Variants in SPTB observed in about 807,000 individuals in gnomAD.
The protein encoded by SPTB is spectrin beta, erythrocytic, also known as spectrin beta chain, erythrocytic.
Under a neutral mutation model 256.2 loss-of-function variants are expected in SPTB, and 45 were observed. That is an observed-to-expected ratio of 0.18 (90% CI 0.14 to 0.23). The LOEUF is 0.23. Among genes scored for constraint, SPTB ranks in the 10% least tolerant of loss-of-function variants. The pLI, the probability that SPTB is intolerant of heterozygous loss-of-function variation, is 1.00. For missense variants in SPTB, 2,715 were observed against 3,040.4 expected (o/e 0.89, Z 2.52); for synonymous variants, 1,231 against 1,243.1 (o/e 0.99, Z 0.21).
intron 1 of SPTB, among the ~76,000 whole-genome samples, chr14:64,855,602 A>G (rs1396567686): frequency 5.0e-5 from 2 of 40,128 alleles, no homozygotes; most frequent in African/African-American, 9.7e-5. Flanking sequence ...GGCCTCCTGA[A>G]AAACACAATG....
At position 64,823,456 on chromosome 14, in the gene SPTB, G is replaced by T. The variant is rs550109378; in HGVS notation, c.-51-311C>A. On this transcript the variant is annotated intron_variant, in intron 1 of 35. Transcript: ENST00000644917. The surrounding 1 kb of genome is among the most constrained non-coding windows in gnomAD (Gnocchi z 6.5). ...CCTCCAGACCAGCCGCCCCGCCGCG[G>T]GGAGCACCCCGGGAGAGAGGAAGCT... is the stretch of plus-strand genomic sequence containing the variant. Among the ~76,000 whole-genome samples, 11 of 152,302 alleles carry T rather than the reference G, an allele frequency of 7.2e-5. No homozygotes were observed. The highest frequency in any genetic ancestry group is 1.6e-4 in the Non-Finnish European group (11 of 68,030).
At chr14:64,846,587 A>T (rs910351681) in intron 1 of SPTB, among the ~76,000 whole-genome samples, 6 of 152,250 alleles carry the variant, frequency 3.9e-5, no homozygotes, top group Non-Finnish European at 7.3e-5. Flanking sequence ...TTTATTGAGC[A>T]CCTGCAGGAC....
rs200994413 is a variant in SPTB, at chr14:64,822,351, T to TTCTC, written c.148+592_148+595dup. 3.6e-3 allele frequency among the ~76,000 whole-genome samples: 30 copies of TTCTC among 8,222 alleles called. 3 individuals carry two copies. The highest frequency in any genetic ancestry group is 0.015 in the African/African-American group (23 of 1,566). 5.4% of individuals were successfully genotyped at this position (8,222 alleles called of 152,430 possible). A position where few individuals can be genotyped will look rare whatever the true frequency, so the allele number is the denominator to read the frequency against. ...ATTTAAGATATTCTCCACCCCCACC[T>TTCTC]TCTCTCTCTCTCTCTCTCTCTCTCA... is the stretch of plus-strand genomic sequence containing the variant. On this transcript the variant is annotated intron_variant, in intron 2 of 35. Transcript: ENST00000644917.
chr14:64,769,244 A>T, intron 28 of SPTB, 126 bp from the exon 29 acceptor site: 1 of 960,114 alleles, frequency 1.0e-6, no homozygotes, highest in Non-Finnish European at 1.7e-6. Context: ...GTCTTGGCCC[A>T]GCTGCTTGCC....
Position 64,778,603 on chromosome 14 carries a change from G to A in SPTB, c.4563+554C>T, listed in dbSNP as rs777011697. ...GGAGTTCCCAATCAGGGCTAAGCGA[G>A]TGCCAAAAAGCAGAGGGATGTTTGC... On this transcript the variant is annotated intron_variant, in intron 22 of 35. Transcript: ENST00000644917. This position sits in a 1 kb window ranked among gnomAD's most constrained non-coding sequence, Gnocchi z 5.2. 5.3e-5 allele frequency among the ~76,000 whole-genome samples: 8 copies of A among 152,204 alleles called. No homozygotes were observed. The highest frequency in any genetic ancestry group is 8.8e-5 in the Non-Finnish European group (6 of 68,030).
Position 64,793,538 on chromosome 14 carries a change from A to T in SPTB, c.2125T>A (p.Phe709Ile), listed in dbSNP as rs776701697. 1 of 1,614,072 alleles carries T rather than the reference A, an allele frequency of 6.2e-7. No individual in the cohort carries two copies. The highest frequency in any genetic ancestry group is 8.5e-7 in the Non-Finnish European group (1 of 1,180,020). Reference protein sequence around the residue: ...EAHGMVARKQFGHPQIEARIK... With the variant: ...EAHGMVARKQIGHPQIEARIK... ...CGGGCCTCGATCTGCGGGTGCCCAA[A>T]CTGCTTGCGCGCAACCATGCCATGA... The change falls in exon 14 of 36, where the codon TTT becomes ATT. Residue 709 changes from phenylalanine (F) to isoleucine (I), a missense_variant. This residue lies in a region of SPTB where 2,239 missense variants were observed against 2,384.4 expected (regional missense o/e 0.94). Coordinates refer to ENST00000644917, the MANE Select transcript of SPTB (RefSeq NM_001355436.2). The surrounding 1 kb of genome is among the most constrained non-coding windows in gnomAD (Gnocchi z 7.0).
At chr14:64,861,165 C>G (rs1472952719) in intron 1 of SPTB, among the ~76,000 whole-genome samples, 1 of 151,964 alleles carries the variant, frequency 6.6e-6, no homozygotes, top group African/African-American at 2.4e-5. Flanking sequence ...CGCATGGACA[C>G]AGAGAGGGGA....
In SPTB at chr14:64,797,467, C is replaced by CAAAAA. The variant is rs57385615; in HGVS notation, c.1182+257_1182+261dup. On this transcript the variant is annotated intron_variant, in intron 10 of 35. Coordinates refer to ENST00000644917, the MANE Select transcript of SPTB (RefSeq NM_001355436.2). ...GGGTGACAGAGTGAGACCCTGTCTC[C>CAAAAA]AAAAAAAAAAAAAAAAAAAAAAAAA... is the stretch of plus-strand genomic sequence containing the variant. Among the ~76,000 whole-genome samples the CAAAAA allele has an allele frequency of 4.4e-3, 136 of 31,004 alleles. 18 individuals are homozygous for CAAAAA. Among genetic ancestry groups the CAAAAA allele is most frequent in the African/African-American group, 5.9e-3 (49 of 8,302 alleles). 20.3% of individuals were successfully genotyped at this position (31,004 alleles called of 152,430 possible). A position where few individuals can be genotyped will look rare whatever the true frequency, so the allele number is the denominator to read the frequency against.
chr14:64,802,422 A>G lies in SPTB; in HGVS notation c.475-105T>C. ...CTCCCTCATCCCCCCTTCACTTAAC[A>G]CTAATTCATCCTTTAAGAGCCAGTA... is the stretch of plus-strand genomic sequence containing the variant. On this transcript the variant is annotated intron_variant, in intron 4 of 35. Transcript: ENST00000644917. The surrounding 1 kb of genome is among the most constrained non-coding windows in gnomAD (Gnocchi z 5.1). 1 of 1,044,028 alleles carries G rather than the reference A, an allele frequency of 9.6e-7. No individual in the cohort carries two copies. The highest frequency in any genetic ancestry group is 1.5e-6 in the Non-Finnish European group (1 of 687,284). The allele number at this position is 1,044,028 out of a possible 1,614,324, so 64.7% of individuals were successfully genotyped here. A position where few individuals can be genotyped will look rare whatever the true frequency, so the allele number is the denominator to read the frequency against.
chr14:64,777,071 C>G lies in SPTB; in HGVS notation c.4564-1668G>C, dbSNP rs1292023719. Among the ~76,000 whole-genome samples the G allele has an allele frequency of 6.6e-6, 1 of 152,164 alleles. No individual in the cohort carries two copies. Among genetic ancestry groups the G allele is most frequent in the Non-Finnish European group, 1.5e-5 (1 of 68,022 alleles). The stretch of plus-strand genomic sequence containing the variant: ...GTCTGCTGCGATGTGGCAGGAGCCA[C>G]TTTAGCTAAGGGAGTCAGGGAGGGC... On this transcript the variant is annotated intron_variant, in intron 22 of 35. Transcript: ENST00000644917. This position sits in a 1 kb window ranked among gnomAD's most constrained non-coding sequence, Gnocchi z 4.5.
At position 64,750,070 on chromosome 14, in the gene SPTB, G is replaced by A; in HGVS notation, c.6687C>T (p.Pro2229=). The A allele has an allele frequency of 6.2e-7, 1 of 1,614,184 alleles. No individual in the cohort carries two copies. Among genetic ancestry groups the A allele is most frequent in the South Asian group, 1.1e-5 (1 of 91,082 alleles). ...GGGCCAGGGGTTCCTCCCCATGGTA[G>A]GGCATCCCCAGGGCCAGGTTCTTGG... is the stretch of plus-strand genomic sequence containing the variant. The part of the protein sequence containing the change: ...KDAKNLALGM[P]YHGEEPLALR... Residue 2229 remains proline (P), a synonymous_variant, in exon 34 of 36, where the codon CCC becomes CCT. Coordinates refer to ENST00000644917, the MANE Select transcript of SPTB (RefSeq NM_001355436.2).
At position 64,779,218 on chromosome 14, in the gene SPTB, G is replaced by A. The variant is rs1303977341; in HGVS notation, c.4502C>T (p.Ala1501Val). 1 of 1,613,766 alleles carries A rather than the reference G, an allele frequency of 6.2e-7. No individual in the cohort carries two copies. Among genetic ancestry groups the A allele is most frequent in the Non-Finnish European group, 8.5e-7 (1 of 1,179,864 alleles). ...ATTAGTGCCATAGTCGGCTGACTGG[G>A]CCAGAGGCAGCCTCTCCTCCACCCA... ...TLWVEERLPLAQSADYGTNLQ... is the reference protein window; with the variant it reads ...TLWVEERLPLVQSADYGTNLQ... Residue 1501 changes from alanine (A) to valine (V), a missense_variant, in exon 22 of 36, where the codon GCC becomes GTC. Physicochemically the swap from Ala to Val is moderately conservative, Grantham distance 64. Transcript: ENST00000644917. The surrounding 1 kb of genome is among the most constrained non-coding windows in gnomAD (Gnocchi z 4.2).
chr14:64,807,340 T>C lies in SPTB; in HGVS notation c.149-2250A>G, dbSNP rs1323502005. On this transcript the variant is annotated intron_variant, in intron 2 of 35. Coordinates refer to ENST00000644917, the MANE Select transcript of SPTB (RefSeq NM_001355436.2). This position sits in a 1 kb window ranked among gnomAD's most constrained non-coding sequence, Gnocchi z 4.7. ...TTGGCAAAGGGTAAGGGAGTGATTCTAGCTGGGAACATGGATTAATTCTAG... is the reference window on the plus strand; with the variant it reads ...TTGGCAAAGGGTAAGGGAGTGATTCCAGCTGGGAACATGGATTAATTCTAG... Among the ~76,000 whole-genome samples the C allele has an allele frequency of 6.6e-6, 1 of 152,234 alleles. No individual in the cohort carries two copies. Among genetic ancestry groups the C allele is most frequent in the African/African-American group, 2.4e-5 (1 of 41,472 alleles).
Position 64,748,933 on chromosome 14 carries a change from GCT to G in SPTB, c.*371_*372del, listed in dbSNP as rs34450471. The G allele has an allele frequency of 0.036, 6,349 of 177,766 alleles. 165 individuals carry two copies. Among genetic ancestry groups the G allele is most frequent in the African/African-American group, 0.088 (2,997 of 34,166 alleles). 11.0% of individuals were successfully genotyped at this position (177,766 alleles called of 1,614,324 possible). On this transcript the variant is annotated 3_prime_UTR_variant, in exon 36 of 36. Transcript: ENST00000644917. ...TGAAGAACCCCATCAGCCTTCTCCAGCTCTTTTTTTTTTTTTTTTTTGGTTGG... is the reference window on the plus strand; with the variant it reads ...TGAAGAACCCCATCAGCCTTCTCCAGCTTTTTTTTTTTTTTTTTTGGTTGG...
intron 1 of SPTB, among the ~76,000 whole-genome samples, chr14:64,846,703 AACTG>A (rs1347682634): frequency 2.0e-5 from 3 of 152,234 alleles, no homozygotes; most frequent in Non-Finnish European, 2.9e-5. Context: ...GAGATGATAT[AACTG>A]AGTATATTCA....
At chr14:64,839,469 T>C (rs2083573133) in intron 1 of SPTB, among the ~76,000 whole-genome samples, 1 of 152,132 alleles carries the variant, frequency 6.6e-6, no homozygotes, top group South Asian at 2.1e-4. Flanking sequence ...TGAGGGAATT[T>C]TGGAGGCTGA....
chr14:64,784,670 C>T (rs2082532919), intron 18 of SPTB, among the ~76,000 whole-genome samples: 1 of 152,196 alleles, frequency 6.6e-6, no homozygotes, highest in Non-Finnish European at 1.5e-5. Context: ...ATTTTGAGGA[C>T]CTAGGACAGG....
intron 20 of SPTB, among the ~76,000 whole-genome samples, chr14:64,781,155 T>C (rs1044828875): frequency 6.6e-5 from 10 of 152,172 alleles, no homozygotes; most frequent in Non-Finnish European, 2.9e-5. Flanking sequence ...ATCCTGGACA[T>C]AGGAATGGGC....
intron 1 of SPTB, among the ~76,000 whole-genome samples, chr14:64,878,879 C>G (rs1882962568): frequency 6.6e-6 from 1 of 151,958 alleles, no homozygotes; most frequent in South Asian, 2.1e-4. Context: ...TAATTGCTCA[C>G]TGAAAACAGT....
Sources: gnomAD v4.1 joint callset for allele counts (sites outside exome capture counted in the v4.1 genomes callset) on GRCh38, gnomAD v4.1.1 for gene constraint, gnomAD v4.1.1 regional missense constraint, Gnocchi (gnomAD v3.1) non-coding constraint, MANE v1.5 for transcripts, NCBI Gene and HGNC (gene_info 2026-07-23, HGNC 2026-07-21) for gene names.